The following GABRA2 variants were observed in gnomAD, a reference collection of about 807,000 sequenced individuals.
GABRA2 encodes gamma-aminobutyric acid type A receptor subunit alpha2, also known as gamma-aminobutyric acid receptor subunit alpha-2.
In GABRA2, 16 loss-of-function variants were observed where a neutral mutation model predicts 48.7. The observed-to-expected ratio is 0.33, with a 90% CI of 0.22 to 0.50. GABRA2 has a LOEUF of 0.50. GABRA2 is among the 20% of genes least tolerant of loss of function. GABRA2 has a pLI of 0.98. For synonymous variants in GABRA2, 185 were observed against 184.5 expected (o/e 1.00, Z -0.02); for missense variants, 275 against 535.6 (o/e 0.51, Z 4.80).
Position 46,249,311 on chromosome 4 carries a change from A to G in GABRA2, c.*997T>C, listed in dbSNP as rs758567327. 3 of 151,456 alleles carry G rather than the reference A, an allele frequency of 2.0e-5. No homozygotes were observed. The highest frequency in any genetic ancestry group is 3.0e-5 in the Non-Finnish European group (2 of 67,672). The allele number at this position is 151,456 out of a possible 1,614,324, so 9.4% of individuals were successfully genotyped here. On this transcript the variant is annotated 3_prime_UTR_variant, in exon 10 of 10. Coordinates refer to ENST00000381620, the MANE Select transcript of GABRA2 (RefSeq NM_000807.4). ...TATAATTAGTGGCTTCTGAGTCTTG[A>G]AAAGAAGCCTTAAGGCAGAATTTGC...
chr4:46,266,718 CTTT>C (rs35380341), intron 8 of GABRA2, among the ~76,000 whole-genome samples: 3 of 92,846 alleles, frequency 3.2e-5, no homozygotes, highest in African/African-American at 1.3e-4. Flanking sequence ...CAAATATTCT[CTTT>C]TTTTTTTTTT....
At chr4:46,253,606 C>T (rs886791482) in intron 9 of GABRA2, among the ~76,000 whole-genome samples, 1 of 151,474 alleles carries the variant, frequency 6.6e-6, no homozygotes, top group African/African-American at 2.4e-5. Context: ...GAGTAGGGCT[C>T]AGAACTTCAA....
In GABRA2 at chr4:46,324,716, C is replaced by T. The variant is rs975105609; in HGVS notation, c.255+7899G>A. On this transcript the variant is annotated intron_variant, in intron 4 of 9. Transcript: ENST00000381620. ...ATCCATAGGTAGTTTTTCAACCCTC[C>T]CCCTCCCTCTCCATCAAATAAGCTT... Among the ~76,000 whole-genome samples, 3 of 151,588 alleles carry T rather than the reference C, an allele frequency of 2.0e-5. No homozygotes were observed. The Admixed American group carries it at 2.0e-4, about 10-fold the overall frequency.
At position 46,261,940 on chromosome 4, in the gene GABRA2, C is replaced by T. The variant is rs1269157026; in HGVS notation, c.1045G>A (p.Val349Ile). Reference protein sequence around the residue: ...KRGWAWDGKSVVNDKKKEKAS... With the variant: ...KRGWAWDGKSIVNDKKKEKAS... ...CTCTCACTTACCTTGTCATTTACTA[C>T]ACTCTTCCCATCCCAAGCCCATCCT... Residue 349 changes from valine to isoleucine, a missense_variant, in exon 9 of 10, where the codon GTA becomes ATA. By Grantham distance (29) the Val-to-Ile change is conservative. This residue lies in a region of GABRA2 where 99 missense variants were observed against 124.3 expected (regional missense o/e 0.80). Transcript: ENST00000381620. The T allele has an allele frequency of 2.5e-6, 4 of 1,613,314 alleles. No individual in the cohort carries two copies. In the South Asian group the frequency reaches 3.3e-5, roughly 13 times the overall value.
intron 6 of GABRA2, among the ~76,000 whole-genome samples, chr4:46,308,746 A>G (rs1375613648): frequency 6.6e-6 from 1 of 152,204 alleles, no homozygotes; most frequent in Admixed American, 6.6e-5. Flanking sequence ...CACTCTGTAG[A>G]TGCAGTATAA....
At chr4:46,372,874 G>C (rs890998468) in intron 3 of GABRA2, among the ~76,000 whole-genome samples, 1 of 152,176 alleles carries the variant, frequency 6.6e-6, no homozygotes. Context: ...GCCACAAACT[G>C]TTCCCTAAAC....
At chr4:46,320,136 T>C (rs1729207054) in intron 4 of GABRA2, among the ~76,000 whole-genome samples, 1 of 151,784 alleles carries the variant, frequency 6.6e-6, no homozygotes. Flanking sequence ...TTATGAGAAG[T>C]TACAGGAAGA....
In GABRA2 at chr4:46,275,788, G is replaced by A. The variant is rs776675610; in HGVS notation, c.857-13660C>T. On this transcript the variant is annotated intron_variant, in intron 8 of 9. Coordinates refer to ENST00000381620, the MANE Select transcript of GABRA2 (RefSeq NM_000807.4). ...TGAGGTGATTTAACTGAGGAGATAC[G>A]TTATTTGTGATAAATAGTACATCAT... Among the ~76,000 whole-genome samples, 116 of 152,072 alleles carry A rather than the reference G, an allele frequency of 7.6e-4. 1 individual carries two copies. Among genetic ancestry groups the A allele is most frequent in the Middle Eastern group, 3.4e-3 (1 of 294 alleles).
At chr4:46,374,836 CAA>C (rs33925896) in intron 3 of GABRA2, among the ~76,000 whole-genome samples, 1 of 150,638 alleles carries the variant, frequency 6.6e-6, no homozygotes, top group African/African-American at 2.4e-5. Flanking sequence ...TGCTTCTATA[CAA>C]AAAAAAATGG....
intron 3 of GABRA2, chr4:46,366,794 C>T (rs1398647188): frequency 6.6e-6 from 1 of 152,026 alleles, no homozygotes; most frequent in Non-Finnish European, 1.5e-5. Flanking sequence ...AAACTTTAAA[C>T]GGTTGGTATA....
chr4:46,284,155 T>A (rs967410730), intron 8 of GABRA2, among the ~76,000 whole-genome samples: 1 of 152,076 alleles, frequency 6.6e-6, no homozygotes, highest in Non-Finnish European at 1.5e-5. Context: ...TCATATAAAC[T>A]TATCCAAAAC....
rs529968776 is a variant in GABRA2, at chr4:46,390,003, A to AGAG, written c.-282_-280dup. On this transcript the variant is annotated 5_prime_UTR_variant, in exon 1 of 10. Transcript: ENST00000381620. ...GGCGGTGATGGGCGGAGGAGGAGGAAGAGGAGGAGGAGGAAGAGGAGGAGG... is the reference window on the plus strand; with the variant it reads ...GGCGGTGATGGGCGGAGGAGGAGGAAGAGGAGGAGGAGGAGGAAGAGGAGGAGG... 1.1e-6 allele frequency: 1 copy of AGAG among 952,312 alleles called. No individual in the cohort carries two copies. 59.0% of individuals were successfully genotyped at this position (952,312 alleles called of 1,614,324 possible).
At chr4:46,381,493 C>T (rs1716753096) in intron 3 of GABRA2, among the ~76,000 whole-genome samples, 1 of 152,120 alleles carries the variant, frequency 6.6e-6, no homozygotes, top group South Asian at 2.1e-4. Flanking sequence ...ATAAGGCCTA[C>T]CAATATTTTC....
intron 3 of GABRA2, among the ~76,000 whole-genome samples, chr4:46,377,530 TC>T (rs1448750970): frequency 6.7e-6 from 1 of 150,210 alleles, no homozygotes; most frequent in Non-Finnish European, 1.5e-5. Context: ...GAGGAGCCCC[TC>T]CGCCCAGCAG....
chr4:46,354,542 C>A (rs575826304), intron 3 of GABRA2, among the ~76,000 whole-genome samples: 1 of 152,234 alleles, frequency 6.6e-6, no homozygotes, highest in East Asian at 1.9e-4. Context: ...TCATCATAGT[C>A]TGATTCTCAT....
At chr4:46,302,092 A>G (rs1255261546) in intron 8 of GABRA2, among the ~76,000 whole-genome samples, 1 of 151,038 alleles carries the variant, frequency 6.6e-6, no homozygotes, top group African/African-American at 2.4e-5. Flanking sequence ...TTTTTGAGAC[A>G]TAGTCTTTCT....
intron 3 of GABRA2, among the ~76,000 whole-genome samples, chr4:46,381,792 G>A (rs1220891624): frequency 6.6e-6 from 1 of 152,188 alleles, no homozygotes; most frequent in Non-Finnish European, 1.5e-5. Flanking sequence ...TAAATCAGGA[G>A]TCTGAGTAAT....
At chr4:46,297,605 C>A (rs1459040492) in intron 8 of GABRA2, among the ~76,000 whole-genome samples, 1 of 148,208 alleles carries the variant, frequency 6.7e-6, no homozygotes, top group Admixed American at 6.8e-5. Context: ...CTAGTAATGT[C>A]CCTACTTTCT....
At chr4:46,332,757 G>A (rs140249114) in intron 3 of GABRA2, 75 bp from the exon 4 acceptor site, 92 of 872,276 alleles carry the variant, frequency 1.1e-4, no homozygotes, top group Admixed American at 1.9e-4. Flanking sequence ...TTGAGTACAC[G>A]GTATGGTTTG....
Sources: allele counts gnomAD v4.1 joint callset (sites outside exome capture counted in the v4.1 genomes callset), GRCh38; gene constraint gnomAD v4.1.1; regional missense constraint gnomAD v4.1.1; transcripts MANE v1.5; gene names NCBI Gene and HGNC (gene_info 2026-07-23, HGNC 2026-07-21).